GALNTL6: variants seen among roughly 807,000 people sequenced by gnomAD.
The protein encoded by GALNTL6 is polypeptide N-acetylgalactosaminyltransferase like 6, also known as polypeptide N-acetylgalactosaminyltransferase-like 6.
Under a neutral mutation model 73.7 loss-of-function variants are expected in GALNTL6, and 46 were observed. That is an observed-to-expected ratio of 0.62 (90% CI 0.49 to 0.80). The LOEUF is 0.80. GALNTL6 is among the 30% of genes least tolerant of loss of function. GALNTL6 has a pLI of 0.00. For missense variants in GALNTL6, 604 were observed against 755.0 expected, an observed-to-expected ratio of 0.80 and a Z score of 2.34; for synonymous variants, 259 against 263.7, an observed-to-expected ratio of 0.98 and a Z score of 0.17.
intron 5 of GALNTL6, among the ~76,000 whole-genome samples, chr4:172,783,946 T>C (rs1404047631): frequency 6.6e-6 from 1 of 152,148 alleles, no homozygotes. Flanking sequence ...CTGGTAAGAT[T>C]GTAGCAAGTC....
intron 5 of GALNTL6, among the ~76,000 whole-genome samples, chr4:172,673,708 C>T (rs111312246): frequency 1.2e-4 from 18 of 152,206 alleles, no homozygotes; most frequent in African/African-American, 4.3e-4. Flanking sequence ...TTGAATTGAA[C>T]CCTTTATTGT....
At chr4:171,998,165 AC>A (rs953394024) in intron 2 of GALNTL6, among the ~76,000 whole-genome samples, 1 of 152,178 alleles carries the variant, frequency 6.6e-6, no homozygotes, top group Non-Finnish European at 1.5e-5. Context: ...ACTGATCATA[AC>A]TTTAATTGTC....
At chr4:172,114,844 C>T (rs902136441) in intron 2 of GALNTL6, among the ~76,000 whole-genome samples, 8 of 151,944 alleles carry the variant, frequency 5.3e-5, no homozygotes, top group Non-Finnish European at 8.8e-5. Context: ...AAACTTTGCT[C>T]GAACCTCCAA....
chr4:172,671,826 T>C (rs960704007), intron 5 of GALNTL6, among the ~76,000 whole-genome samples: 3 of 152,112 alleles, frequency 2.0e-5, no homozygotes, highest in African/African-American at 7.2e-5. Flanking sequence ...TGAAATATGT[T>C]CCTTTAACAC....
Position 172,359,486 on chromosome 4 carries a change from A to G in GALNTL6, c.553+10797A>G, listed in dbSNP as rs575188507. Among the ~76,000 whole-genome samples the G allele has an allele frequency of 3.3e-5, 5 of 152,302 alleles. No homozygotes were observed. In the East Asian group the frequency reaches 9.6e-4, roughly 29 times the overall value. ...GTTTACTTATATAACAAACCTGCAC[A>G]TGTACCCCTGAAACGAAAATAAGAG... On this transcript the variant is annotated intron_variant, in intron 5 of 12. Coordinates refer to ENST00000506823, the MANE Select transcript of GALNTL6 (RefSeq NM_001034845.3).
At chr4:173,009,396 A>C in intron 11 of GALNTL6, 102 bp downstream of exon 11, 1 of 744,258 alleles carries the variant, frequency 1.3e-6, no homozygotes, top group African/African-American at 1.7e-5. Flanking sequence ...TGCAGATGGT[A>C]CTTGTGGGAC....
intron 5 of GALNTL6, among the ~76,000 whole-genome samples, chr4:172,385,178 C>A (rs1037796145): frequency 6.6e-6 from 1 of 151,454 alleles, no homozygotes; most frequent in South Asian, 2.1e-4. Context: ...TTAAATTTAT[C>A]GAGGTATGTT....
chr4:172,522,677 C>G (rs1358663744), intron 5 of GALNTL6, among the ~76,000 whole-genome samples: 4 of 80,956 alleles, frequency 4.9e-5, no homozygotes, highest in African/African-American at 8.3e-5. Context: ...CCCCCCCCCC[C>G]CAAAAAAAAA....
At chr4:173,014,394 G>A (rs1165953636) in intron 11 of GALNTL6, among the ~76,000 whole-genome samples, 1 of 152,174 alleles carries the variant, frequency 6.6e-6, no homozygotes, top group Middle Eastern at 3.2e-3. Context: ...TAGTTTGGCT[G>A]TTCCCACTCT....
chr4:172,053,597 A>T (rs1419257048), intron 2 of GALNTL6, among the ~76,000 whole-genome samples: 1 of 152,216 alleles, frequency 6.6e-6, no homozygotes, highest in African/African-American at 2.4e-5. Flanking sequence ...TATTTATCCC[A>T]CTACAAGCGA....
At chr4:171,833,914 C>A (rs1053498796) in intron 2 of GALNTL6, among the ~76,000 whole-genome samples, 1 of 151,708 alleles carries the variant, frequency 6.6e-6, no homozygotes, top group Admixed American at 6.6e-5. Flanking sequence ...TCATTTCAAC[C>A]ACTGTTTGAA....
intron 2 of GALNTL6, among the ~76,000 whole-genome samples, chr4:171,936,702 C>T (rs568803837): frequency 4.6e-5 from 7 of 152,236 alleles, no homozygotes; most frequent in Middle Eastern, 3.4e-3. Context: ...AAAAACCTAT[C>T]ATGGGATGAA....
At chr4:172,530,421 T>C (rs1202049559) in intron 5 of GALNTL6, among the ~76,000 whole-genome samples, 2 of 152,162 alleles carry the variant, frequency 1.3e-5, no homozygotes, top group African/African-American at 4.8e-5. Flanking sequence ...TATAATCTTA[T>C]TTTTATTAAT....
chr4:172,297,474 T>C (rs1243038819), intron 3 of GALNTL6, among the ~76,000 whole-genome samples: 3 of 152,180 alleles, frequency 2.0e-5, no homozygotes, highest in Non-Finnish European at 4.4e-5. Context: ...TCTTCTAGGG[T>C]TTTTATGGTT....
chr4:171,926,995 T>C (rs1013838801), intron 2 of GALNTL6, among the ~76,000 whole-genome samples: 1 of 152,120 alleles, frequency 6.6e-6, no homozygotes. Context: ...ATATTTCTTT[T>C]AGAATGTTTA....
chr4:172,553,199 T>C (rs905032428), intron 5 of GALNTL6, among the ~76,000 whole-genome samples: 1 of 152,224 alleles, frequency 6.6e-6, no homozygotes, highest in Non-Finnish European at 1.5e-5. Context: ...CCAATATTTA[T>C]GCTTTGGGTG....
chr4:172,606,695 A>G (rs1271034286), intron 5 of GALNTL6, among the ~76,000 whole-genome samples: 2 of 113,454 alleles, frequency 1.8e-5, no homozygotes, highest in African/African-American at 6.6e-5. Flanking sequence ...TAGTATATAT[A>G]TATAGTGTGT....
At chr4:172,149,543 C>T (rs1734014246) in intron 2 of GALNTL6, among the ~76,000 whole-genome samples, 1 of 152,150 alleles carries the variant, frequency 6.6e-6, no homozygotes, top group South Asian at 2.1e-4. Context: ...CTCTTTTACA[C>T]TGCTCCTGCT....
chr4:172,130,125 C>T (rs544143900), intron 2 of GALNTL6, among the ~76,000 whole-genome samples: 4 of 150,268 alleles, frequency 2.7e-5, no homozygotes, highest in African/African-American at 7.3e-5. Flanking sequence ...GGATCAATAG[C>T]AAGGTGGGTG....
Sources: gnomAD v4.1 joint callset for allele counts (sites outside exome capture counted in the v4.1 genomes callset) on GRCh38, gnomAD v4.1.1 for gene constraint, MANE v1.5 for transcripts, NCBI Gene and HGNC (gene_info 2026-07-23, HGNC 2026-07-21) for gene names.